The following BCL9L variants were observed in gnomAD, a reference collection of about 807,000 sequenced individuals.
BCL9L encodes the protein B-cell CLL/lymphoma 9-like protein.
In BCL9L, 19 loss-of-function variants were observed where a neutral mutation model predicts 99.4. That is an observed-to-expected ratio of 0.19 (90% confidence interval 0.13 to 0.28). The LOEUF (loss-of-function observed/expected upper bound fraction) is 0.28. BCL9L is among the 10% of genes least tolerant of loss of function. The pLI is 1.00. For missense variants in BCL9L, 2,023 were observed against 2,101.6 expected (o/e 0.96, Z 0.73); for synonymous variants, 900 against 854.8 (o/e 1.05, Z -0.92).
chr11:118,908,272 T>C lies in BCL9L; in HGVS notation c.410A>G (p.Lys137Arg), dbSNP rs1384638881. The change falls in exon 4 of 10, where the codon AAA (lysine) becomes AGA (arginine). Residue 137 changes from lysine to arginine, a missense_variant and splice_region_variant. Physicochemically the swap from Lys to Arg is conservative, Grantham distance 26. Transcript: ENST00000683865. ...TTAGGGATGAGGAAATGGGGTACCT[T>C]TGGCCTCTGAATCCAGGGATGGGGT... is the stretch of plus-strand genomic sequence containing the variant. Reference protein sequence around the residue: ...AGTPSLDSEAKEVAPRSKRRC... With the variant: ...AGTPSLDSEAREVAPRSKRRC... 3 of 1,546,536 alleles carry C rather than the reference T, an allele frequency of 1.9e-6. No individual in the cohort carries two copies. The highest frequency in any genetic ancestry group is 8.7e-7 in the Non-Finnish European group (1 of 1,145,728).
rs1014086402 is a variant in BCL9L at position 118,901,532 on chromosome 11, G to A, written c.2211C>T (p.Pro737=). 10 of 1,613,956 alleles carry A rather than the reference G, an allele frequency of 6.2e-6. No individual in the cohort carries two copies. The Admixed American group carries it at 1.7e-4, about 27-fold the overall frequency. The change falls in exon 8 of 10, where the codon CCC becomes CCT. Residue 737 remains proline, a synonymous_variant. Coordinates refer to ENST00000683865, the MANE Select transcript of BCL9L (RefSeq NM_001378213.1). This position sits in a 1 kb window ranked among gnomAD's most constrained non-coding sequence, Gnocchi z 6.6. ...GGCCTCCACCAAACTCCATGCCCAT[G>A]GGAGTGCCCGCCAGGCCCTCACCAC... ...MAGGEGLAGT[P]MGMEFGGGRG... is the part of the protein sequence containing the mutation.
rs770479979 is a variant in BCL9L at position 118,902,977 on chromosome 11, G to A, written c.834+13C>T. 9.4e-6 allele frequency: 15 copies of A among 1,595,576 alleles called. No homozygotes were observed. In the East Asian group the frequency reaches 2.9e-4, roughly 31 times the overall value. ...CCACCCAGTCCTGCTGCTCACAGAG[G>A]CGCCACGCTCACCTGGTCAAGCTTG... On this transcript the variant is annotated intron_variant, in intron 7 of 9. Transcript: ENST00000683865. This position sits in a 1 kb window ranked among gnomAD's most constrained non-coding sequence, Gnocchi z 7.8.
At chr11:118,910,994 G>A (rs1203998340) in intron 2 of BCL9L, 1 of 282,844 alleles carries the variant, frequency 3.5e-6, no homozygotes, top group Non-Finnish European at 7.2e-6. Context: ...GCAGACACCG[G>A]GGCTGCCCGA....
In BCL9L at chr11:118,902,681, G is replaced by A; in HGVS notation, c.1062C>T (p.Asn354=). The A allele has an allele frequency of 6.3e-7, 1 of 1,599,296 alleles. No individual in the cohort carries two copies. The highest frequency in any genetic ancestry group is 2.2e-5 in the East Asian group (1 of 44,840). The change falls in exon 8 of 10, where the codon AAC becomes AAT. Residue 354 remains asparagine, a synonymous_variant. Coordinates refer to ENST00000683865, the MANE Select transcript of BCL9L (RefSeq NM_001378213.1). The surrounding 1 kb of genome is among the most constrained non-coding windows in gnomAD (Gnocchi z 7.8). ...TGTTGGCGGTGGTAGCCGTCGGGGT[G>A]TTAGGGTGGGTGCCCCCAGTCCCAC... The part of the protein sequence containing the change: ...TGGGTGGTHP[N]TPTATTANNP...
At position 118,899,520 on chromosome 11, in the gene BCL9L, A is replaced by G. The variant is rs752903879; in HGVS notation, c.3407-12T>C. On this transcript the variant is annotated splice_polypyrimidine_tract_variant and intron_variant, in intron 9 of 9. Coordinates refer to ENST00000683865, the MANE Select transcript of BCL9L (RefSeq NM_001378213.1). ...GCTGTTGCTGATCCCTGTAGGGAAT[A>G]GAAGACAGGGGGTCAGGCACGGTGT... 2 of 1,606,392 alleles carry G rather than the reference A, an allele frequency of 1.2e-6. No homozygotes were observed. Among genetic ancestry groups the G allele is most frequent in the Non-Finnish European group, 8.5e-7 (1 of 1,178,012 alleles).
Position 118,901,371 on chromosome 11 carries a change from T to C in BCL9L, c.2372A>G (p.Gln791Arg). Reference protein sequence around the residue: ...NMNLNVQMTPQQQMLMSQKMR... With the variant: ...NMNLNVQMTPRQQMLMSQKMR... ...CTTCTGCGACATCAGCATCTGCTGCTGCGGGGTCATCTGCACGTTCAGGTT... is the reference window on the plus strand; with the variant it reads ...CTTCTGCGACATCAGCATCTGCTGCCGCGGGGTCATCTGCACGTTCAGGTT... Residue 791 changes from glutamine (Q) to arginine (R), a missense_variant, in exon 8 of 10, where the codon CAG becomes CGG. Transcript: ENST00000683865. The surrounding 1 kb of genome is among the most constrained non-coding windows in gnomAD (Gnocchi z 6.6). The C allele has an allele frequency of 2.5e-6, 4 of 1,613,914 alleles. No individual in the cohort carries two copies. Among genetic ancestry groups the C allele is most frequent in the Non-Finnish European group, 3.4e-6 (4 of 1,179,956 alleles).
Position 118,914,913 on chromosome 11 carries a change from G to A in BCL9L, c.-77+3913C>T, listed in dbSNP as rs1940918224. 6.6e-6 allele frequency among the ~76,000 whole-genome samples: 1 copy of A among 152,188 alleles called. No homozygotes were observed. The highest frequency in any genetic ancestry group is 1.5e-5 in the Non-Finnish European group (1 of 68,016). Reference sequence around the variant, plus strand: ...AGCACTTTAGGAGGTCAAGGCAGGTGGATCACGAGGTCAGGAGTTCAAGAC... The same window carrying A: ...AGCACTTTAGGAGGTCAAGGCAGGTAGATCACGAGGTCAGGAGTTCAAGAC... On this transcript the variant is annotated intron_variant, in intron 2 of 9. Coordinates refer to ENST00000683865, the MANE Select transcript of BCL9L (RefSeq NM_001378213.1). This position sits in a 1 kb window ranked among gnomAD's most constrained non-coding sequence, Gnocchi z 4.4.
intron 5 of BCL9L, among the ~76,000 whole-genome samples, chr11:118,905,819 AAAATAAATAAAT>A (rs149714418): frequency 2.0e-5 from 3 of 152,082 alleles, no homozygotes; most frequent in South Asian, 2.1e-4. Flanking sequence ...CTCCGATTCA[AAAATAAATAAAT>A]AAATAAATAA....
rs1279506961 is a variant in BCL9L at position 118,901,472 on chromosome 11, C to T, written c.2271G>A (p.Gly757=). 5.6e-6 allele frequency: 9 copies of T among 1,613,964 alleles called. No individual in the cohort carries two copies. The highest frequency in any genetic ancestry group is 7.6e-6 in the Non-Finnish European group (9 of 1,180,006). Residue 757 remains glycine, a synonymous_variant, in exon 8 of 10, where the codon GGG becomes GGA. Transcript: ENST00000683865. The surrounding 1 kb of genome is among the most constrained non-coding windows in gnomAD (Gnocchi z 6.6). ...CCATGGGTGGGTCCACCTCCCTCAG[C>T]CCAGACTGCCCCATGGGAGGGCTCA... is the stretch of plus-strand genomic sequence containing the variant. ...GLLSPPMGQS[G]LREVDPPMGP...
At position 118,899,465 on chromosome 11, in the gene BCL9L, G is replaced by A. The variant is rs750939385; in HGVS notation, c.3450C>T (p.Ala1150=). 7.3e-5 allele frequency: 117 copies of A among 1,608,358 alleles called. No homozygotes were observed. Among genetic ancestry groups the A allele is most frequent in the South Asian group, 1.1e-4 (10 of 89,784 alleles). Residue 1150 remains alanine (A), a synonymous_variant, in exon 10 of 10, where the codon GCC becomes GCT. Transcript: ENST00000683865. Reference sequence around the variant, plus strand: ...TCATGCCCATAGGGCTCTGGGCAGCGGCTGAGTTCAGGTGCATCTGGCTGG... The same window carrying A: ...TCATGCCCATAGGGCTCTGGGCAGCAGCTGAGTTCAGGTGCATCTGGCTGG... The part of the protein sequence containing the change: ...SQPSQMHLNS[A]AAQSPMGMNL...
At position 118,901,628 on chromosome 11, in the gene BCL9L, G is replaced by A. The variant is rs944329588; in HGVS notation, c.2115C>T (p.Ser705=). The A allele has an allele frequency of 3.1e-6, 5 of 1,613,890 alleles. No homozygotes were observed. Among genetic ancestry groups the A allele is most frequent in the Non-Finnish European group, 4.2e-6 (5 of 1,180,032 alleles). ...LGMAGSGMGQ[S]MEMERMMQAH... is the part of the protein sequence containing the mutation. ...CCTGCATCATCCGCTCCATCTCCAT[G>A]CTCTGTCCCATGCCACTGCCTGCCA... is the stretch of plus-strand genomic sequence containing the variant. Residue 705 remains serine, a synonymous_variant, in exon 8 of 10, where the codon AGC becomes AGT. Transcript: ENST00000683865. This position sits in a 1 kb window ranked among gnomAD's most constrained non-coding sequence, Gnocchi z 6.6.
chr11:118,924,368 A>C (rs1472790426), intron 1 of BCL9L, among the ~76,000 whole-genome samples: 3 of 151,626 alleles, frequency 2.0e-5, no homozygotes, highest in Non-Finnish European at 4.4e-5. Context: ...AGTAGACAGA[A>C]AGAGAAGGGA....
chr11:118,903,293 ACGCCCCCGCCCC>A lies in BCL9L; in HGVS notation c.680_691del (p.Gly227_Gly230del), dbSNP rs537366265. 2,611 of 1,577,788 alleles carry A rather than the reference ACGCCCCCGCCCC, an allele frequency of 1.7e-3. 2 individuals are homozygous for A. The highest frequency in any genetic ancestry group is 2.0e-3 in the Non-Finnish European group (2,323 of 1,163,646). The stretch of plus-strand genomic sequence containing the variant: ...GAACTGCGAGGGAGGCTTTCCGGGG[ACGCCCCCGCCCC>A]CGCCCCCGCCCCCAGGGGCATCAGG... On this transcript the variant is annotated inframe_deletion, in exon 6 of 10. Transcript: ENST00000683865. The surrounding 1 kb of genome is among the most constrained non-coding windows in gnomAD (Gnocchi z 5.6).
Position 118,899,488 on chromosome 11 carries a change from T to C in BCL9L, c.3427A>G (p.Ser1143Gly). The C allele has an allele frequency of 6.2e-7, 1 of 1,608,910 alleles. No homozygotes were observed. The highest frequency in any genetic ancestry group is 8.5e-7 in the Non-Finnish European group (1 of 1,178,826). ...GCGGCTGAGTTCAGGTGCATCTGGC[T>C]GGGCTGGCTGTTGCTGATCCCTGTA... The part of the protein sequence containing the change: ...SGPGISNSQP[S>G]QMHLNSAAAQ... The change falls in exon 10 of 10, where the codon AGC becomes GGC. Residue 1143 changes from serine (S) to glycine (G), a missense_variant. By Grantham distance (56) the Ser-to-Gly change is moderately conservative. Coordinates refer to ENST00000683865, the MANE Select transcript of BCL9L (RefSeq NM_001378213.1).
rs977039086 is a variant in BCL9L, at chr11:118,925,449, C to G, written c.-342G>C. 1 of 152,226 alleles carries G rather than the reference C, an allele frequency of 6.6e-6. No individual in the cohort carries two copies. Among genetic ancestry groups the G allele is most frequent in the Non-Finnish European group, 1.5e-5 (1 of 68,064 alleles). The allele number at this position is 152,226 out of a possible 1,614,324, so 9.4% of individuals were successfully genotyped here. ...GGATCGCTGGGTGCCTGGGTTCCTGCCTCCCAACCGCGGAGCATGGTCGCG... is the reference window on the plus strand; with the variant it reads ...GGATCGCTGGGTGCCTGGGTTCCTGGCTCCCAACCGCGGAGCATGGTCGCG... On this transcript the variant is annotated 5_prime_UTR_variant, in exon 1 of 10. Transcript: ENST00000683865. This position sits in a 1 kb window ranked among gnomAD's most constrained non-coding sequence, Gnocchi z 6.4.
chr11:118,898,294 G>GCCCCCACCCCCCCCCCCCCCCCCCCCCC lies in BCL9L; in HGVS notation c.*120_*121insGGGGGGGGGGGGGGGGGGGGGGTGGGGG. 2.2e-6 allele frequency: 1 copy of GCCCCCACCCCCCCCCCCCCCCCCCCCCC among 452,312 alleles called. No homozygotes were observed. The highest frequency in any genetic ancestry group is 4.3e-5 in the East Asian group (1 of 23,130). The allele number at this position is 452,312 out of a possible 1,614,324, so 28.0% of individuals were successfully genotyped here. A position where few individuals can be genotyped will look rare whatever the true frequency, so the allele number is the denominator to read the frequency against. On this transcript the variant is annotated 3_prime_UTR_variant, in exon 10 of 10. Coordinates refer to ENST00000683865, the MANE Select transcript of BCL9L (RefSeq NM_001378213.1). ...TCCACAAATGCCACTCCCTACACAA[G>GCCCCCACCCCCCCCCCCCCCCCCCCCCC]CCCCCTCCCACCCCCTCCACCCCAC...
rs1940035157 is a variant in BCL9L at position 118,898,580 on chromosome 11, G to A, written c.4335C>T (p.Val1445=). The A allele has an allele frequency of 1.2e-6, 2 of 1,611,000 alleles. No homozygotes were observed. Among genetic ancestry groups the A allele is most frequent in the Non-Finnish European group, 1.7e-6 (2 of 1,179,052 alleles). ...LMKQRGVGGE[V]YSQPPHMLSP... The stretch of plus-strand genomic sequence containing the variant: ...AGAGCATGTGGGGCGGCTGGCTGTA[G>A]ACCTCGCCCCCCACGCCCCGCTGCT... The change falls in exon 10 of 10, where the codon GTC becomes GTT. Residue 1445 remains valine (V), a synonymous_variant. Coordinates refer to ENST00000683865, the MANE Select transcript of BCL9L (RefSeq NM_001378213.1).
intron 2 of BCL9L, among the ~76,000 whole-genome samples, chr11:118,916,086 G>T (rs1468514893): frequency 6.6e-6 from 1 of 152,210 alleles, no homozygotes; most frequent in Admixed American, 6.5e-5. Context: ...AGGCCCCAGG[G>T]GCTGGGCACA....
intron 9 of BCL9L, 112 bp from the exon 10 acceptor site, chr11:118,899,620 C>T (rs1940117398): frequency 7.4e-7 from 1 of 1,350,106 alleles, no homozygotes. Flanking sequence ...TCAAAGTCTT[C>T]ACCACTGGCT....
Sources: gnomAD v4.1 joint callset for allele counts (sites outside exome capture counted in the v4.1 genomes callset) on GRCh38, gnomAD v4.1.1 for gene constraint, Gnocchi (gnomAD v3.1) non-coding constraint, MANE v1.5 for transcripts, NCBI Gene and HGNC (gene_info 2026-07-23, HGNC 2026-07-21) for gene names.